DNA2: variants seen among roughly 807,000 people sequenced by gnomAD.
The protein encoded by DNA2 is DNA replication helicase/nuclease 2, also known as DNA replication ATP-dependent helicase/nuclease DNA2.
Under a neutral mutation model 119.1 loss-of-function variants are expected in DNA2, and 101 were observed. The observed-to-expected ratio is 0.85, with a 90% CI of 0.72 to 1.00. The LOEUF (loss-of-function observed/expected upper bound fraction) is 1.00. Ranked by LOEUF, DNA2 falls within the 50% of genes least tolerant of loss-of-function variation. DNA2 has a pLI of 0.00. For synonymous variants in DNA2, 366 were observed against 424.4 expected (o/e 0.86, Z 1.69); for missense variants, 1,121 against 1,255.5 (o/e 0.89, Z 1.62).
At chr10:68,448,435 A>G (rs1294044590) in intron 6 of DNA2, among the ~76,000 whole-genome samples, 5 of 152,220 alleles carry the variant, frequency 3.3e-5, no homozygotes, top group Admixed American at 3.3e-4. Context: ...ATCAAAATTA[A>G]AAAGTCAAAT....
chr10:68,471,890 A>C lies in DNA2; in HGVS notation c.-26T>G. ...CCTGGACGCGGGGATCGCAAACTGT[A>C]GACAGAAAAGACAGCGGAACCGGGG... On this transcript the variant is annotated 5_prime_UTR_variant, in exon 1 of 21. Transcript: ENST00000358410. 2 of 1,613,922 alleles carry C rather than the reference A, an allele frequency of 1.2e-6. No homozygotes were observed. The highest frequency in any genetic ancestry group is 1.7e-6 in the Non-Finnish European group (2 of 1,179,808).
At chr10:68,470,215 C>T (rs2052369661) in intron 1 of DNA2, 52 bp from the exon 2 acceptor site, 1 of 1,455,402 alleles carries the variant, frequency 6.9e-7, no homozygotes, top group Non-Finnish European at 9.2e-7. Context: ...AATAAGAAGC[C>T]ATCCAATATG....
intron 9 of DNA2, among the ~76,000 whole-genome samples, chr10:68,439,031 CAAAAAAAAAA>C (rs35393675): frequency 2.5e-5 from 2 of 80,614 alleles, no homozygotes; most frequent in African/African-American, 7.3e-5. Flanking sequence ...AGAATCTGTC[CAAAAAAAAAA>C]AAAAAAAATT....
chr10:68,470,433 C>A (rs2052371402), intron 1 of DNA2: 2 of 378,388 alleles, frequency 5.3e-6, no homozygotes, highest in African/African-American at 4.1e-5. Flanking sequence ...TTCTGTGGGA[C>A]ACTCATTACA....
chr10:68,465,774 CG>C lies in DNA2; in HGVS notation c.479del (p.Thr160ArgfsTer11), dbSNP rs1564898421. On this transcript the variant is annotated frameshift_variant, in exon 4 of 21. Coordinates refer to ENST00000358410, the MANE Select transcript of DNA2 (RefSeq NM_001080449.3). LOFTEE classifies it high-confidence loss of function. Reference protein sequence around the residue: ...DPATRQMLIGTVLHEVFQKAI... With the variant: ...DPATRQMLIGXVLHEVFQKAI... ...CTTTTTGAAACACCTCATGGAGAAC[CG>C]TACCAATTAGCATTTGGCGTGTGGC... is the stretch of plus-strand genomic sequence containing the variant. 1 of 1,600,216 alleles carries C rather than the reference CG, an allele frequency of 6.2e-7. No homozygotes were observed. The highest frequency in any genetic ancestry group is 8.5e-7 in the Non-Finnish European group (1 of 1,173,696).
chr10:68,444,339 G>A (rs540412596), intron 8 of DNA2, among the ~76,000 whole-genome samples: 100 of 151,064 alleles, frequency 6.6e-4, no homozygotes, highest in Non-Finnish European at 1.1e-3. Flanking sequence ...GCAGTGAGCC[G>A]AGATCATGCC....
At position 68,416,771 on chromosome 10, in the gene DNA2, G is replaced by GCA; in HGVS notation, c.3050_3051dup (p.Pro1018CysfsTer4). 1 of 1,613,680 alleles carries GCA rather than the reference G, an allele frequency of 6.2e-7. No homozygotes were observed. The highest frequency in any genetic ancestry group is 8.5e-7 in the Non-Finnish European group (1 of 1,179,644). On this transcript the variant is annotated frameshift_variant, in exon 20 of 21. Coordinates refer to ENST00000358410, the MANE Select transcript of DNA2 (RefSeq NM_001080449.3). LOFTEE classifies it high-confidence loss of function. ...AAAGGAGGATAGCAATTTAGTGAGG[G>GCA]CACACACCCCAGAAGAATCAGTTTA...
At chr10:68,423,595 GC>G in intron 14 of DNA2, among the ~76,000 whole-genome samples, 1 of 152,222 alleles carries the variant, frequency 6.6e-6, no homozygotes, top group Admixed American at 6.5e-5. Context: ...ACAGACACCA[GC>G]AAACAGGGAG....
Position 68,430,636 on chromosome 10 carries a change from A to C in DNA2, c.2008T>G (p.Phe670Val). 5.6e-6 allele frequency: 9 copies of C among 1,600,136 alleles called. No individual in the cohort carries two copies. Among genetic ancestry groups the C allele is most frequent in the Non-Finnish European group, 7.7e-6 (9 of 1,173,056 alleles). Residue 670 changes from phenylalanine to valine, a missense_variant, in exon 14 of 21, where the codon TTT becomes GTT. Physicochemically the swap from Phe to Val is conservative, Grantham distance 50 (BLOSUM62 -1). Transcript: ENST00000358410. ...TLVRILYACG[F>V]SVLLTSYTHS... The stretch of plus-strand genomic sequence containing the variant: ...GTATAGCTGGTCAACAAAACGCTAA[A>C]ACCACAGGCGTAGAGAATTCTTACC...
intron 14 of DNA2, chr10:68,424,589 C>A: frequency 8.7e-7 from 1 of 1,149,982 alleles, no homozygotes; most frequent in Non-Finnish European, 1.3e-6. Context: ...TGAACTTGGA[C>A]CGCAGCAAAA....
rs566414424 is a variant in DNA2 at position 68,456,935 on chromosome 10, C to T, written c.719+2169G>A. 3.3e-4 allele frequency among the ~76,000 whole-genome samples: 50 copies of T among 151,658 alleles called. 1 individual carries two copies. In the South Asian group the frequency reaches 9.4e-3, roughly 29 times the overall value. On this transcript the variant is annotated intron_variant, in intron 5 of 20. Coordinates refer to ENST00000358410, the MANE Select transcript of DNA2 (RefSeq NM_001080449.3). The stretch of plus-strand genomic sequence containing the variant: ...GGATTACAAGGTCAGGAGATCGAGA[C>T]CATCCTGGCTAACACGGTGAAACCC...
Position 68,422,734 on chromosome 10 carries a change from G to C in DNA2, c.2365C>G (p.Gln789Glu), listed in dbSNP as rs1357380086. The C allele has an allele frequency of 6.2e-7, 1 of 1,611,904 alleles. No individual in the cohort carries two copies. The change falls in exon 15 of 21, where the codon CAG (glutamine) becomes GAG (glutamate). Residue 789 changes from glutamine (Q) to glutamate (E), a missense_variant. Physicochemically the swap from Gln to Glu is conservative, Grantham distance 29 (BLOSUM62 2). Transcript: ENST00000358410. ...SRRFVLVGDH[Q>E]QLPPLVLNRE... ...TTTAGCACCAGGGGAGGAAGCTGCT[G>C]ATGGTCCCCCACTAACACAAATCTC...
At chr10:68,436,876 T>C (rs767167707) in intron 10 of DNA2, 135 bp downstream of exon 10, 2 of 663,952 alleles carry the variant, frequency 3.0e-6, no homozygotes, top group Non-Finnish European at 4.9e-6. Context: ...ATACTCAAAG[T>C]TGATTGTGGT....
At chr10:68,439,177 G>A (rs1009418722) in intron 9 of DNA2, among the ~76,000 whole-genome samples, 3 of 149,968 alleles carry the variant, frequency 2.0e-5, no homozygotes, top group East Asian at 2.0e-4. Flanking sequence ...GGCGGATCAC[G>A]TGAGGTTGAG....
rs1172612045 is a variant in DNA2 at position 68,432,325 on chromosome 10, G to GA, written c.1764-11dup. On this transcript the variant is annotated splice_polypyrimidine_tract_variant and intron_variant, in intron 11 of 20. Transcript: ENST00000358410. ...ATCTCGAAGTTTTTTGCTGAAAAGT[G>GA]AAAAAGCACTTTTAGTAATATTCCT... is the stretch of plus-strand genomic sequence containing the variant. 9 of 1,585,222 alleles carry GA rather than the reference G, an allele frequency of 5.7e-6. No homozygotes were observed. The highest frequency in any genetic ancestry group is 7.7e-6 in the Non-Finnish European group (9 of 1,165,092).
At chr10:68,427,937 G>A (rs1277983288) in intron 14 of DNA2, among the ~76,000 whole-genome samples, 1 of 151,762 alleles carries the variant, frequency 6.6e-6, no homozygotes, top group Non-Finnish European at 1.5e-5. Flanking sequence ...GGAGGCTGAG[G>A]CAGGAGAATT....
At chr10:68,431,688 G>T (rs2051823409) in intron 13 of DNA2, among the ~76,000 whole-genome samples, 174 bp downstream of exon 13, 1 of 152,174 alleles carries the variant, frequency 6.6e-6, no homozygotes, top group African/African-American at 2.4e-5. Flanking sequence ...AAATCTACAT[G>T]ATTACAACTG....
intron 10 of DNA2, 119 bp from the exon 11 acceptor site, chr10:68,432,629 G>A: frequency 1.5e-6 from 1 of 678,024 alleles, no homozygotes. Context: ...ATAGCTACCA[G>A]CCCTCAGTCA....
At chr10:68,436,885 G>A in intron 10 of DNA2, 126 bp downstream of exon 10, 1 of 708,568 alleles carries the variant, frequency 1.4e-6, no homozygotes, top group East Asian at 2.7e-5. Context: ...GTTGATTGTG[G>A]TGATAGCTGC....
Sources: allele counts gnomAD v4.1 joint callset (sites outside exome capture counted in the v4.1 genomes callset), GRCh38; gene constraint gnomAD v4.1.1; transcripts MANE v1.5; gene names NCBI Gene and HGNC (gene_info 2026-07-23, HGNC 2026-07-21).